NEIL3: variants seen among roughly 807,000 people sequenced by gnomAD.
The protein encoded by NEIL3 is endonuclease 8-like 3.
A neutral mutation model predicts 57.5 loss-of-function variants in NEIL3; 48 were observed. The observed-to-expected ratio is 0.83, with a 90% CI of 0.66 to 1.06. The LOEUF (loss-of-function observed/expected upper bound fraction) is 1.06, where lower values mean the gene tolerates loss of function less well. Ranked by LOEUF, NEIL3 falls within the 50% of genes least tolerant of loss-of-function variation. The probability of loss-of-function intolerance (pLI) is 0.00; values close to 1 mark genes in which losing one functional copy is unlikely to be tolerated. For synonymous variants in NEIL3, 261 were observed against 253.2 expected (o/e 1.03, Z -0.29); for missense variants, 717 against 739.1 (o/e 0.97, Z 0.35).
chr4:177,325,154 G>A (rs972301051), intron 2 of NEIL3, among the ~76,000 whole-genome samples: 14 of 151,966 alleles, frequency 9.2e-5, no homozygotes, highest in African/African-American at 3.1e-4. Context: ...TAATTTATTG[G>A]GGTTTAAGTA....
intron 7 of NEIL3, 104 bp downstream of exon 7, chr4:177,351,653 A>C: frequency 9.7e-6 from 9 of 923,372 alleles, no homozygotes; most frequent in Non-Finnish European, 1.1e-5. Context: ...TAACTAAATA[A>C]AATTTCTTTC....
chr4:177,360,818 G>A lies in NEIL3; in HGVS notation c.1635+141G>A, dbSNP rs1003543364. On this transcript the variant is annotated intron_variant, in intron 9 of 9. Coordinates refer to ENST00000264596, the MANE Select transcript of NEIL3 (RefSeq NM_018248.3). Reference sequence around the variant, plus strand: ...CATATTGGCATTCAGTCTAAAGCTTGAATGTTGACTAACTTAAAATTCAGA... The same window carrying A: ...CATATTGGCATTCAGTCTAAAGCTTAAATGTTGACTAACTTAAAATTCAGA... 9 of 587,604 alleles carry A rather than the reference G, an allele frequency of 1.5e-5. No individual in the cohort carries two copies. The Admixed American group carries it at 2.4e-4, about 16-fold the overall frequency. 36.4% of individuals were successfully genotyped at this position (587,604 alleles called of 1,614,324 possible). A position where few individuals can be genotyped will look rare whatever the true frequency, so the allele number is the denominator to read the frequency against.
chr4:177,355,625 T>C (rs555827755), intron 8 of NEIL3, among the ~76,000 whole-genome samples: 65 of 152,288 alleles, frequency 4.3e-4, no homozygotes, highest in Non-Finnish European at 5.9e-5. Context: ...CAGGTGGAAT[T>C]CTGAGATTCA....
At chr4:177,346,463 C>T (rs1735223401) in intron 6 of NEIL3, among the ~76,000 whole-genome samples, 1 of 152,200 alleles carries the variant, frequency 6.6e-6, no homozygotes, top group Non-Finnish European at 1.5e-5. Flanking sequence ...GCCACCGTGC[C>T]AGCCGACTCA....
chr4:177,317,024 T>C (rs932972920), intron 1 of NEIL3, among the ~76,000 whole-genome samples: 5 of 152,172 alleles, frequency 3.3e-5, no homozygotes, highest in African/African-American at 1.2e-4. Context: ...CAAGCCAAGG[T>C]CATATAGCAT....
intron 2 of NEIL3, among the ~76,000 whole-genome samples, chr4:177,332,032 C>T (rs1030676458): frequency 6.6e-6 from 1 of 152,162 alleles, no homozygotes; most frequent in African/African-American, 2.4e-5. Context: ...AGACTGCTGT[C>T]GCTTGTGACT....
At chr4:177,359,273 C>A (rs532767407) in intron 8 of NEIL3, among the ~76,000 whole-genome samples, 1 of 152,310 alleles carries the variant, frequency 6.6e-6, no homozygotes, top group Admixed American at 6.5e-5. Context: ...TGCAGCTGCT[C>A]TTATTTTACA....
intron 5 of NEIL3, among the ~76,000 whole-genome samples, chr4:177,340,590 G>C (rs1198265113): frequency 6.6e-6 from 1 of 152,154 alleles, no homozygotes; most frequent in African/African-American, 2.4e-5. Flanking sequence ...GATCGGTCTT[G>C]AGTAACTATG....
chr4:177,363,743 A>T (rs977926171), downstream of NEIL3, among the ~76,000 whole-genome samples: 3 of 152,112 alleles, frequency 2.0e-5, no homozygotes, highest in Non-Finnish European at 2.9e-5. Context: ...AATGTACAGG[A>T]TCTATATGAG....
At chr4:177,351,206 C>CAAAAAAAAAAAAAAAAAAAAAAAAAAA (rs749430879) in intron 6 of NEIL3, among the ~76,000 whole-genome samples, 174 bp from the exon 7 acceptor site, 1 of 58,516 alleles carries the variant, frequency 1.7e-5, no homozygotes, top group African/African-American at 7.8e-5. Context: ...CCCATCTCTA[C>CAAAAAAAAAAAAAAAAAAAAAAAAAAA]AAAAAAAAAA....
chr4:177,363,440 A>G (rs925025589), downstream of NEIL3, among the ~76,000 whole-genome samples: 5 of 152,188 alleles, frequency 3.3e-5, no homozygotes, highest in Admixed American at 1.3e-4. Context: ...GACAGGACCA[A>G]CCTAGGATGA....
intron 1 of NEIL3, 140 bp from the exon 2 acceptor site, chr4:177,322,319 C>T (rs570213235): frequency 5.2e-6 from 6 of 1,164,922 alleles, no homozygotes; most frequent in African/African-American, 1.5e-5. Flanking sequence ...GATTACATTA[C>T]ATGACTTGTT....
At chr4:177,315,109 G>T (rs6824936) in intron 1 of NEIL3, among the ~76,000 whole-genome samples, 2 of 150,758 alleles carry the variant, frequency 1.3e-5, no homozygotes, top group African/African-American at 4.9e-5. Flanking sequence ...GTACTGGGGG[G>T]AAAAGTGTGT....
intron 4 of NEIL3, among the ~76,000 whole-genome samples, chr4:177,338,538 G>T (rs1735022517): frequency 6.6e-6 from 1 of 151,418 alleles, no homozygotes; most frequent in South Asian, 2.1e-4. Context: ...TCGTTGAAGG[G>T]TCAGCTGTAC....
chr4:177,330,127 G>T (rs1734854293), intron 2 of NEIL3, among the ~76,000 whole-genome samples: 1 of 152,166 alleles, frequency 6.6e-6, no homozygotes, highest in Non-Finnish European at 1.5e-5. Flanking sequence ...GCCCAGGCTG[G>T]TCTCAAACTC....
chr4:177,324,886 A>T (rs1734750487), intron 2 of NEIL3, among the ~76,000 whole-genome samples: 1 of 152,300 alleles, frequency 6.6e-6, no homozygotes, highest in Middle Eastern at 3.4e-3. Context: ...CTGCACTCAC[A>T]CTGAAGCTAT....
At position 177,336,104 on chromosome 4, in the gene NEIL3, A is replaced by G. The variant is rs750945506; in HGVS notation, c.414-4A>G. 6 of 1,597,298 alleles carry G rather than the reference A, an allele frequency of 3.8e-6. No individual in the cohort carries two copies. In the Admixed American group the frequency reaches 6.7e-5, roughly 18 times the overall value. On this transcript the variant is annotated splice_region_variant and splice_polypyrimidine_tract_variant and intron_variant, in intron 3 of 9. Transcript: ENST00000264596. ...ATTAATGTGTTTTATATTCCTTTCT[A>G]TAGAAACTCAATGGAAAGCCAACAG... is the stretch of plus-strand genomic sequence containing the variant.
chr4:177,341,065 T>A (rs1417491156), intron 5 of NEIL3, among the ~76,000 whole-genome samples: 2 of 152,130 alleles, frequency 1.3e-5, no homozygotes, highest in Non-Finnish European at 2.9e-5. Context: ...TGAAACTGAG[T>A]GAGCAGTTTC....
At chr4:177,343,827 A>G (rs1420787605) in intron 6 of NEIL3, 2 of 151,874 alleles carry the variant, frequency 1.3e-5, no homozygotes, top group African/African-American at 4.8e-5. Context: ...GAACTTTCAT[A>G]GTTTTTTATG....
Sources: allele counts gnomAD v4.1 joint callset (sites outside exome capture counted in the v4.1 genomes callset), GRCh38; gene constraint gnomAD v4.1.1; transcripts MANE v1.5; gene names NCBI Gene and HGNC (gene_info 2026-07-23, HGNC 2026-07-21).